ADTRP: variants seen among roughly 807,000 people sequenced by gnomAD.
The protein encoded by ADTRP is androgen-dependent TFPI-regulating protein.
In ADTRP, 20 loss-of-function variants were observed where a neutral mutation model predicts 27.0. The ratio of observed to expected loss-of-function variants is 0.74; its 90% CI spans 0.52 to 1.08. ADTRP has a LOEUF of 1.08. Among genes scored for constraint, ADTRP ranks in the 50% least tolerant of loss-of-function variants. The pLI is 0.00. For synonymous variants in ADTRP, 101 were observed against 105.2 expected (o/e 0.96, Z 0.25); for missense variants, 251 against 275.0 (o/e 0.91, Z 0.62).
At chr6:11,720,599 G>A (rs553005440) in intron 5 of ADTRP, among the ~76,000 whole-genome samples, 145 of 152,100 alleles carry the variant, frequency 9.5e-4, no homozygotes, top group Non-Finnish European at 1.6e-3. Flanking sequence ...AGCCTCCCGC[G>A]TAGCTGGGAC....
At chr6:11,765,795 A>G (rs143473200) in intron 3 of ADTRP, among the ~76,000 whole-genome samples, 1 of 152,332 alleles carries the variant, frequency 6.6e-6, no homozygotes, top group African/African-American at 2.4e-5. Context: ...ATAAAAAACC[A>G]AATGGAAATG....
Position 11,723,510 on chromosome 6 carries a change from A to T in ADTRP, c.507-10T>A, listed in dbSNP as rs1217990986. ...GTAGAGCCATAGGATGCTGCAGGAA[A>T]TAAGAAGTCGTGGTGGTTATAGCAG... On this transcript the variant is annotated splice_polypyrimidine_tract_variant and intron_variant, in intron 4 of 5. Coordinates refer to ENST00000414691, the MANE Select transcript of ADTRP (RefSeq NM_032744.4). 1 of 1,613,488 alleles carries T rather than the reference A, an allele frequency of 6.2e-7. No individual in the cohort carries two copies. Among genetic ancestry groups the T allele is most frequent in the South Asian group, 1.1e-5 (1 of 90,920 alleles).
chr6:11,740,458 A>G (rs1762679914), intron 3 of ADTRP, among the ~76,000 whole-genome samples: 1 of 152,254 alleles, frequency 6.6e-6, no homozygotes, highest in African/African-American at 2.4e-5. Flanking sequence ...CAAAATATCA[A>G]TTAAAACATA....
rs147857251 is a variant in ADTRP at position 11,723,615 on chromosome 6, C to T, written c.507-115G>A. ...GCAGGGGAAGAGAACCCATCAGGGA[C>T]GTTTGTCAACAGCTGTAGTATTCCC... On this transcript the variant is annotated intron_variant, in intron 4 of 5. Transcript: ENST00000414691. 6.3e-3 allele frequency: 7,577 copies of T among 1,196,922 alleles called. 77 individuals are homozygous for T. The highest frequency in any genetic ancestry group is 0.029 in the South Asian group (1,992 of 67,880). 74.1% of individuals were successfully genotyped at this position (1,196,922 alleles called of 1,614,324 possible). A position where few individuals can be genotyped will look rare whatever the true frequency, so the allele number is the denominator to read the frequency against.
At chr6:11,774,036 C>T (rs185287714) in intron 1 of ADTRP, among the ~76,000 whole-genome samples, 141 of 152,124 alleles carry the variant, frequency 9.3e-4, no homozygotes, top group Non-Finnish European at 2.9e-4. Context: ...GGGTTGGGTG[C>T]GGTGGCTCAC....
At chr6:11,773,406 G>C (rs554541075) in intron 1 of ADTRP, among the ~76,000 whole-genome samples, 49 of 152,216 alleles carry the variant, frequency 3.2e-4, no homozygotes, top group Non-Finnish European at 1.5e-4. Flanking sequence ...GGATTGAAGT[G>C]GGGGAGGCTA....
At chr6:11,745,868 G>A (rs1762851021) in intron 3 of ADTRP, among the ~76,000 whole-genome samples, 2 of 151,942 alleles carry the variant, frequency 1.3e-5, no homozygotes, top group African/African-American at 4.8e-5. Flanking sequence ...TCGGCTCACT[G>A]CAACCTCTGC....
intron 4 of ADTRP, among the ~76,000 whole-genome samples, chr6:11,725,856 C>T (rs147969962): frequency 3.7e-4 from 53 of 141,848 alleles, no homozygotes; most frequent in Middle Eastern, 4.1e-3. Flanking sequence ...TTGGAGATCG[C>T]GCCACTGCAC....
intron 1 of ADTRP, chr6:11,770,122 T>C (rs760713300): frequency 6.5e-7 from 1 of 1,540,446 alleles, no homozygotes; most frequent in Non-Finnish European, 8.8e-7. Flanking sequence ...ATCAGGTTTC[T>C]GAGCGTAGTT....
intron 1 of ADTRP, among the ~76,000 whole-genome samples, chr6:11,773,501 C>T (rs1322739470): frequency 1.3e-5 from 2 of 152,204 alleles, no homozygotes; most frequent in Non-Finnish European, 2.9e-5. Context: ...GGGAGTGCAG[C>T]ATTTGCACCC....
At chr6:11,730,210 T>C (rs76185511) in intron 4 of ADTRP, among the ~76,000 whole-genome samples, 3,593 of 152,294 alleles carry the variant, frequency 0.024, 128 homozygotes, top group African/African-American at 0.083. Context: ...CAAGGATGTG[T>C]TGTGTGGCAT....
At chr6:11,748,523 G>A (rs1267351013) in intron 3 of ADTRP, among the ~76,000 whole-genome samples, 5 of 152,208 alleles carry the variant, frequency 3.3e-5, no homozygotes, top group African/African-American at 1.2e-4. Context: ...GTGGTCCCTG[G>A]CCTTGCAGAC....
chr6:11,766,228 A>G (rs1397592173), intron 3 of ADTRP, 46 bp downstream of exon 3: 5 of 1,439,294 alleles, frequency 3.5e-6, no homozygotes, highest in Non-Finnish European at 4.8e-6. Flanking sequence ...TTTTCAGTAC[A>G]GAGGCTATTG....
At chr6:11,715,345 C>T (rs1438165896) in intron 5 of ADTRP, among the ~76,000 whole-genome samples, 13 of 152,176 alleles carry the variant, frequency 8.5e-5, no homozygotes, top group Admixed American at 8.5e-4. Context: ...ATCTTATACT[C>T]ATTCCATTCT....
intron 3 of ADTRP, among the ~76,000 whole-genome samples, chr6:11,742,327 C>G (rs1762745143): frequency 6.6e-6 from 1 of 151,932 alleles, no homozygotes; most frequent in Non-Finnish European, 1.5e-5. Flanking sequence ...TTTTTTAACT[C>G]TTTAATTTTT....
chr6:11,741,805 C>T (rs1256528416), intron 3 of ADTRP, among the ~76,000 whole-genome samples: 1 of 152,060 alleles, frequency 6.6e-6, no homozygotes, highest in Admixed American at 6.5e-5. Flanking sequence ...TCCCCTCTCT[C>T]TCCACCCCTC....
chr6:11,731,234 T>C (rs761070778), intron 4 of ADTRP, among the ~76,000 whole-genome samples: 3 of 152,204 alleles, frequency 2.0e-5, no homozygotes, highest in Non-Finnish European at 2.9e-5. Flanking sequence ...AACTAAGACA[T>C]TGTGATCAAA....
intron 1 of ADTRP, 74 bp downstream of exon 1, chr6:11,778,533 C>G: frequency 6.8e-7 from 1 of 1,461,554 alleles, no homozygotes; most frequent in Non-Finnish European, 9.2e-7. Context: ...TAATAAAATC[C>G]AAAGATGATA....
chr6:11,770,549 C>T (rs1195572582), intron 1 of ADTRP, among the ~76,000 whole-genome samples: 5 of 151,840 alleles, frequency 3.3e-5, no homozygotes, highest in Non-Finnish European at 1.5e-5. Flanking sequence ...AAAGAACGGC[C>T]GGGGGTAGAA....
Sources: allele counts gnomAD v4.1 joint callset (sites outside exome capture counted in the v4.1 genomes callset), GRCh38; gene constraint gnomAD v4.1.1; transcripts MANE v1.5; gene names NCBI Gene and HGNC (gene_info 2026-07-23, HGNC 2026-07-21).